The following NEDD9 variants were observed in gnomAD, a reference collection of about 807,000 sequenced individuals.
The protein encoded by NEDD9 is enhancer of filamentation 1.
A neutral mutation model predicts 76.6 loss-of-function variants in NEDD9; 26 were observed. The ratio of observed to expected loss-of-function variants is 0.34; its 90% CI spans 0.25 to 0.47. NEDD9 has a LOEUF of 0.47. Ranked by LOEUF, NEDD9 falls within the 20% of genes least tolerant of loss-of-function variation. NEDD9 has a pLI of 1.00. For synonymous variants in NEDD9, 392 were observed against 414.2 expected (o/e 0.95, Z 0.65); for missense variants, 937 against 1,058.5 (o/e 0.89, Z 1.59).
intron 3 of NEDD9, among the ~76,000 whole-genome samples, chr6:11,260,892 G>C (rs554825089): frequency 0.012 from 1,663 of 134,288 alleles, 14 homozygotes; most frequent in Non-Finnish European, 0.018. Context: ...ACGTGTGTGA[G>C]CCTGTGTGTG....
intron 3 of NEDD9, among the ~76,000 whole-genome samples, chr6:11,260,023 C>T (rs571370436): frequency 6.6e-6 from 1 of 151,806 alleles, no homozygotes; most frequent in African/African-American, 2.4e-5. Flanking sequence ...TGTCAGAAAT[C>T]GTACCATTAG....
At chr6:11,249,138 C>T in intron 3 of NEDD9, 1 of 456,034 alleles carries the variant, frequency 2.2e-6, no homozygotes, top group South Asian at 1.5e-5. Context: ...AGGAGACTTA[C>T]ATTTAAACCA....
chr6:11,217,112 G>A (rs1215698601), intron 1 of NEDD9, among the ~76,000 whole-genome samples: 1 of 152,232 alleles, frequency 6.6e-6, no homozygotes, highest in East Asian at 1.9e-4. Context: ...AAAGGCATGA[G>A]GCAGGAGTTG....
At chr6:11,210,995 C>T (rs1309234866) in intron 2 of NEDD9, among the ~76,000 whole-genome samples, 1 of 152,174 alleles carries the variant, frequency 6.6e-6, no homozygotes. Flanking sequence ...TGTCACTACC[C>T]CAGACCCTGA....
In NEDD9 at chr6:11,198,579, C is replaced by G. The variant is rs1202598900; in HGVS notation, c.460-4887G>C. Reference sequence around the variant, plus strand: ...CCCTGAGCCAGTGATCCACACATCTCTGACAGCACTTATCACTTGTGGTTT... The same window carrying G: ...CCCTGAGCCAGTGATCCACACATCTGTGACAGCACTTATCACTTGTGGTTT... On this transcript the variant is annotated intron_variant, in intron 2 of 6. Coordinates refer to ENST00000379446, the MANE Select transcript of NEDD9 (RefSeq NM_006403.4). This position sits in a 1 kb window ranked among gnomAD's most constrained non-coding sequence, Gnocchi z 4.7. 6.6e-6 allele frequency: 1 copy of G among 152,252 alleles called. No homozygotes were observed. The highest frequency in any genetic ancestry group is 1.5e-5 in the Non-Finnish European group (1 of 68,064). 9.4% of individuals were successfully genotyped at this position (152,252 alleles called of 1,614,324 possible). A position where few individuals can be genotyped will look rare whatever the true frequency, so the allele number is the denominator to read the frequency against.
intron 3 of NEDD9, among the ~76,000 whole-genome samples, chr6:11,263,149 G>C (rs74772748): frequency 1.3e-3 from 202 of 152,268 alleles, no homozygotes; most frequent in African/African-American, 4.6e-3. Flanking sequence ...CAGGGGATAT[G>C]TTCCAGATAA....
chr6:11,206,376 G>A (rs532824006), intron 2 of NEDD9, among the ~76,000 whole-genome samples: 13 of 152,170 alleles, frequency 8.5e-5, no homozygotes, highest in South Asian at 2.1e-4. Flanking sequence ...CCAAGATTGC[G>A]CCATTGCATT....
intron 2 of NEDD9, among the ~76,000 whole-genome samples, chr6:11,326,872 G>T (rs1337057075): frequency 2.0e-5 from 3 of 152,200 alleles, no homozygotes. Flanking sequence ...CTTTGAGGAT[G>T]ACTTACTTGT....
chr6:11,355,709 CT>C (rs1762552052), intron 1 of NEDD9, among the ~76,000 whole-genome samples: 1 of 150,424 alleles, frequency 6.6e-6, no homozygotes, highest in African/African-American at 2.4e-5. Flanking sequence ...TTTTTGAGAG[CT>C]TTAGGTTTTT....
At chr6:11,194,484 T>C (rs1758242265) in intron 2 of NEDD9, among the ~76,000 whole-genome samples, 1 of 152,236 alleles carries the variant, frequency 6.6e-6, no homozygotes, top group Non-Finnish European at 1.5e-5. Context: ...ATTATTATGA[T>C]GATTATAACT....
At chr6:11,300,011 T>G (rs1761001580) in intron 3 of NEDD9, among the ~76,000 whole-genome samples, 1 of 152,158 alleles carries the variant, frequency 6.6e-6, no homozygotes, top group South Asian at 2.1e-4. Flanking sequence ...GAGAATGAGT[T>G]TGATGAGTTG....
At chr6:11,235,542 T>C (rs983880800), upstream of NEDD9, among the ~76,000 whole-genome samples, 1 of 152,194 alleles carries the variant, frequency 6.6e-6, no homozygotes, top group Non-Finnish European at 1.5e-5. This position sits in a 1 kb window ranked among gnomAD's most constrained non-coding sequence, Gnocchi z 4.1. Context: ...TGATTTGCAG[T>C]GATAAATGCT....
intron 2 of NEDD9, among the ~76,000 whole-genome samples, chr6:11,319,905 A>T (rs1761747354): frequency 6.6e-6 from 1 of 151,682 alleles, no homozygotes; most frequent in African/African-American, 2.4e-5. Flanking sequence ...GTCTGTCTCC[A>T]ACTGTGAATT....
At chr6:11,205,043 C>T (rs2113743580) in intron 2 of NEDD9, among the ~76,000 whole-genome samples, 1 of 152,316 alleles carries the variant, frequency 6.6e-6, no homozygotes, top group South Asian at 2.1e-4. Context: ...AATGAGGTGT[C>T]CAAATATGCC....
intron 3 of NEDD9, among the ~76,000 whole-genome samples, chr6:11,300,195 A>C (rs766083099): frequency 6.6e-6 from 1 of 152,240 alleles, no homozygotes; most frequent in Non-Finnish European, 1.5e-5. Flanking sequence ...AAACCACGGC[A>C]TGAGAACTTC....
intron 2 of NEDD9, among the ~76,000 whole-genome samples, chr6:11,332,541 T>C (rs1762064412): frequency 6.6e-6 from 1 of 152,224 alleles, no homozygotes; most frequent in Admixed American, 6.5e-5. Context: ...CATGCCTTCA[T>C]TTTAGAATCA....
chr6:11,346,338 G>A (rs1383587615), intron 1 of NEDD9, among the ~76,000 whole-genome samples: 1 of 152,132 alleles, frequency 6.6e-6, no homozygotes, highest in Non-Finnish European at 1.5e-5. Flanking sequence ...TGTCATGATG[G>A]TGGCAGCCCT....
intron 3 of NEDD9, among the ~76,000 whole-genome samples, chr6:11,293,620 A>ATG (rs59673195): frequency 4.6e-5 from 7 of 151,916 alleles, no homozygotes; most frequent in African/African-American, 1.4e-4. Context: ...ATGACCGTCT[A>ATG]TGTGTGTGTG....
chr6:11,300,529 C>T (rs1489994700), intron 3 of NEDD9, among the ~76,000 whole-genome samples: 1 of 152,110 alleles, frequency 6.6e-6, no homozygotes, highest in Non-Finnish European at 1.5e-5. Flanking sequence ...AAAGATACTC[C>T]TCAAGAAGAG....
Sources: gnomAD v4.1 joint callset for allele counts (sites outside exome capture counted in the v4.1 genomes callset) on GRCh38, gnomAD v4.1.1 for gene constraint, Gnocchi (gnomAD v3.1) non-coding constraint, MANE v1.5 for transcripts, NCBI Gene and HGNC (gene_info 2026-07-23, HGNC 2026-07-21) for gene names.